HEATR4: variants seen among roughly 807,000 people sequenced by gnomAD.
The protein encoded by HEATR4 is HEAT repeat-containing protein 4.
In HEATR4, 95 loss-of-function variants were observed where a neutral mutation model predicts 108.8. The ratio of observed to expected loss-of-function variants is 0.87; its 90% CI spans 0.74 to 1.04. The LOEUF is 1.04. Among genes scored for constraint, HEATR4 ranks in the 50% least tolerant of loss-of-function variants. The pLI is 0.00. For missense variants in HEATR4, 1,152 were observed against 1,253.8 expected (o/e 0.92, Z 1.23); for synonymous variants, 443 against 459.4 (o/e 0.96, Z 0.46).
At chr14:73,589,526 A>C in the HEATR4 span, among the ~76,000 whole-genome samples, 3 of 152,092 alleles carry the variant, frequency 2.0e-5, no homozygotes, top group Admixed American at 6.6e-5. Context: ...ACCATGTTGG[A>C]CAGGCTCGTC....
chr14:73,630,844 G>A, the HEATR4 span, among the ~76,000 whole-genome samples: 1 of 152,150 alleles, frequency 6.6e-6, no homozygotes, highest in African/African-American at 2.4e-5. Context: ...CTCAGAGCAG[G>A]GTGGCAGGAG....
At chr14:73,585,736 G>A in the HEATR4 span, among the ~76,000 whole-genome samples, 1 of 148,082 alleles carries the variant, frequency 6.8e-6, no homozygotes, top group African/African-American at 2.5e-5. Flanking sequence ...TATTAGGTTT[G>A]TTAAATAAAA....
Position 73,514,143 on chromosome 14 carries a change from A to G in HEATR4, c.1302T>C (p.Pro434=), listed in dbSNP as rs1332233868. 11 of 1,614,022 alleles carry G rather than the reference A, an allele frequency of 6.8e-6. No homozygotes were observed. The Admixed American group carries it at 1.7e-4, about 24-fold the overall frequency. ...GCTTCTTCAATCTCCTGGTCTTAAT[A>G]GGCACATCCTTCTCACCCACCTGCA... ...MLLQVGEKDV[P]IKTRRLKKQA... The change falls in exon 6 of 18, where the codon CCT becomes CCC. Residue 434 remains proline, a synonymous_variant. Coordinates refer to ENST00000553558, the MANE Select transcript of HEATR4 (RefSeq NM_001220484.1).
chr14:73,514,087 C>T lies in HEATR4; in HGVS notation c.1358G>A (p.Trp453Ter), dbSNP rs1887438561. 3 of 1,614,100 alleles carry T rather than the reference C, an allele frequency of 1.9e-6. No individual in the cohort carries two copies. Among genetic ancestry groups the T allele is most frequent in the Non-Finnish European group, 8.5e-7 (1 of 1,180,050 alleles). The part of the protein sequence containing the change: ...QAKSLQEDVT[W>*]ELVVLRRMLK... The stretch of plus-strand genomic sequence containing the variant: ...CATCCTCCGCAGGACCACCAGTTCC[C>T]AGGTCACATCCTCCTGCAGTGATTT... The change falls in exon 6 of 18, where the codon TGG (tryptophan) becomes TAG (stop). Residue 453 changes from tryptophan (W) to a stop codon, truncating the protein, a stop_gained. Transcript: ENST00000553558. LOFTEE classifies it high-confidence loss of function.
chr14:73,508,371 C>A, intron 8 of HEATR4, 77 bp from the exon 9 acceptor site: 9 of 1,286,732 alleles, frequency 7.0e-6, no homozygotes, highest in Non-Finnish European at 1.0e-5. Context: ...GATTGATACC[C>A]AAGGCTGCTA....
At chr14:73,562,171 G>A (rs957937557), upstream of HEATR4, among the ~76,000 whole-genome samples, 11 of 152,000 alleles carry the variant, frequency 7.2e-5, no homozygotes, top group Non-Finnish European at 1.6e-4. Context: ...TGGGGAATAA[G>A]GAGTTATTGT....
chr14:73,484,027 C>A (rs1411849386), intron 17 of HEATR4, among the ~76,000 whole-genome samples: 1 of 151,434 alleles, frequency 6.6e-6, no homozygotes, highest in Non-Finnish European at 1.5e-5. Flanking sequence ...GCTAATTTTT[C>A]TTTATTTTCA....
intron 17 of HEATR4, among the ~76,000 whole-genome samples, chr14:73,486,503 G>A (rs1298862416): frequency 2.0e-5 from 3 of 151,988 alleles, no homozygotes; most frequent in African/African-American, 4.8e-5. Context: ...TTCAAGACCA[G>A]CTTGACCAAC....
the HEATR4 span, among the ~76,000 whole-genome samples, chr14:73,576,156 G>GAC: frequency 6.6e-6 from 1 of 151,798 alleles, no homozygotes; most frequent in Non-Finnish European, 1.5e-5. Context: ...GCAACAGCAA[G>GAC]ACTCTGCCTC....
At chr14:73,626,068 G>A in the HEATR4 span, among the ~76,000 whole-genome samples, 18 of 152,376 alleles carry the variant, frequency 1.2e-4, no homozygotes, top group Admixed American at 1.1e-3. Flanking sequence ...TCCTACTTAA[G>A]TGAACACAGT....
intron 10 of HEATR4, among the ~76,000 whole-genome samples, chr14:73,505,395 T>C (rs1886745241): frequency 7.0e-6 from 1 of 143,294 alleles, no homozygotes; most frequent in African/African-American, 2.9e-5. Flanking sequence ...TTTGTTTTGT[T>C]TTTTTTTGTT....
intron 7 of HEATR4, among the ~76,000 whole-genome samples, chr14:73,511,560 T>TA (rs61161056): frequency 0.012 from 1,047 of 88,978 alleles, 9 homozygotes; most frequent in African/African-American, 0.028. Flanking sequence ...AATAAATAAA[T>TA]AAATAAAATA....
chr14:73,496,596 T>C lies in HEATR4; in HGVS notation c.2625+5A>G, dbSNP rs748282802. Reference sequence around the variant, plus strand: ...CTCTTGAGAACAGAGCTTGCACTTATTTACCCTGTTCTTGATCTCCTGAAG... The same window carrying C: ...CTCTTGAGAACAGAGCTTGCACTTACTTACCCTGTTCTTGATCTCCTGAAG... On this transcript the variant is annotated splice_donor_5th_base_variant and intron_variant, in intron 15 of 17. Transcript: ENST00000553558. 2.3e-5 allele frequency: 37 copies of C among 1,580,000 alleles called. No individual in the cohort carries two copies. The highest frequency in any genetic ancestry group is 5.0e-5 in the Admixed American group (3 of 59,924).
chr14:73,513,714 C>T lies in HEATR4; in HGVS notation c.1414+317G>A, dbSNP rs973485571. Reference sequence around the variant, plus strand: ...TGCACTCCAGCCAAGGCAACAAGAGCGAAACTACGTCTCCAAAAAAAAAAA... The same window carrying T: ...TGCACTCCAGCCAAGGCAACAAGAGTGAAACTACGTCTCCAAAAAAAAAAA... On this transcript the variant is annotated intron_variant, in intron 6 of 17. Transcript: ENST00000553558. Among the ~76,000 whole-genome samples, 21 of 92,210 alleles carry T rather than the reference C, an allele frequency of 2.3e-4. No individual in the cohort carries two copies. In the East Asian group the frequency reaches 3.5e-3, roughly 16 times the overall value. The allele number at this position is 92,210 out of a possible 152,430, so 60.5% of individuals were successfully genotyped here. A position where few individuals can be genotyped will look rare whatever the true frequency, so the allele number is the denominator to read the frequency against.
At chr14:73,493,204 T>C in intron 16 of HEATR4, 80 bp from the exon 17 acceptor site, 1 of 1,138,788 alleles carries the variant, frequency 8.8e-7, no homozygotes, top group Non-Finnish European at 1.3e-6. Flanking sequence ...ACCAACTTCA[T>C]CACCTTCAGG....
intron 5 of HEATR4, among the ~76,000 whole-genome samples, chr14:73,517,956 CG>C (rs1047351119): frequency 3.3e-5 from 5 of 151,814 alleles, no homozygotes; most frequent in African/African-American, 9.7e-5. Flanking sequence ...TGTGGTGGCG[CG>C]CACCTGTAGT....
At chr14:73,627,184 AAGG>A in the HEATR4 span, among the ~76,000 whole-genome samples, 2 of 151,718 alleles carry the variant, frequency 1.3e-5, no homozygotes, top group Admixed American at 1.3e-4. Flanking sequence ...CATAGTTAGT[AAGG>A]AGAAGTCTAT....
intron 5 of HEATR4, chr14:73,517,356 A>G (rs1026004436): frequency 6.6e-6 from 1 of 152,158 alleles, no homozygotes; most frequent in African/African-American, 2.4e-5. Flanking sequence ...TAGTATGTAA[A>G]TTCAAGCTCA....
Position 73,522,017 on chromosome 14 carries a change from G to T in HEATR4, c.881+255C>A, listed in dbSNP as rs955163306. Among the ~76,000 whole-genome samples, 4 of 152,340 alleles carry T rather than the reference G, an allele frequency of 2.6e-5. No individual in the cohort carries two copies. In the East Asian group the frequency reaches 7.7e-4, roughly 29 times the overall value. Reference sequence around the variant, plus strand: ...CAGCTAGGAGTTTGTGCTCTGGTGGGTATGAGCCAGGGATGCTGCTTGCAT... The same window carrying T: ...CAGCTAGGAGTTTGTGCTCTGGTGGTTATGAGCCAGGGATGCTGCTTGCAT... On this transcript the variant is annotated intron_variant, in intron 3 of 17. Transcript: ENST00000553558.
Sources: gnomAD v4.1 joint callset for allele counts (sites outside exome capture counted in the v4.1 genomes callset) on GRCh38, gnomAD v4.1.1 for gene constraint, MANE v1.5 for transcripts, NCBI Gene and HGNC (gene_info 2026-07-23, HGNC 2026-07-21) for gene names.